Variants in LIMA1 observed in about 807,000 individuals in gnomAD.
The protein encoded by LIMA1 is LIM domain and actin-binding protein 1.
A neutral mutation model predicts 62.6 loss-of-function variants in LIMA1; 52 were observed. The observed-to-expected ratio is 0.83, with a 90% confidence interval of 0.67 to 1.05. The LOEUF (loss-of-function observed/expected upper bound fraction) is 1.05. Among genes scored for constraint, LIMA1 ranks in the 50% least tolerant of loss-of-function variants. The pLI is 0.00. For missense variants in LIMA1, 780 were observed against 902.2 expected (o/e 0.86, Z 1.74); for synonymous variants, 302 against 317.8 (o/e 0.95, Z 0.53).
chr12:50,177,987 C>T lies in LIMA1; in HGVS notation c.1357G>A (p.Asp453Asn), dbSNP rs865986348. Residue 453 changes from aspartate (D) to asparagine (N), a missense_variant, in exon 11 of 11, where the codon GAT (aspartate) becomes AAT (asparagine). By Grantham distance (23) the Asp-to-Asn change is conservative. Transcript: ENST00000341247. ...NQLFKSKGNY[D>N]EGFGHRPHKD... Reference sequence around the variant, plus strand: ...TGTGGTCTGTGCCCAAAGCCTTCATCATAGTTGCCCTTAGATTTAAAGAGT... The same window carrying T: ...TGTGGTCTGTGCCCAAAGCCTTCATTATAGTTGCCCTTAGATTTAAAGAGT... 2 of 1,600,304 alleles carry T rather than the reference C, an allele frequency of 1.2e-6. No homozygotes were observed. Among genetic ancestry groups the T allele is most frequent in the African/African-American group, 1.4e-5 (1 of 73,938 alleles).
At chr12:50,183,975 T>C (rs561995356) in intron 9 of LIMA1, among the ~76,000 whole-genome samples, 2 of 151,748 alleles carry the variant, frequency 1.3e-5, no homozygotes, top group African/African-American at 4.8e-5. Context: ...AAAATGAAAA[T>C]AAAGAAATCT....
intron 2 of LIMA1, among the ~76,000 whole-genome samples, chr12:50,240,056 C>CATAACATAAAATAAA (rs550347743): frequency 5.8e-4 from 66 of 113,286 alleles, no homozygotes; most frequent in African/African-American, 2.1e-3. Context: ...CATAACATAA[C>CATAACATAAAATAAA]ATAAAATAAA....
At chr12:50,207,814 A>AG (rs921313488) in intron 4 of LIMA1, among the ~76,000 whole-genome samples, 8 of 149,842 alleles carry the variant, frequency 5.3e-5, no homozygotes, top group African/African-American at 2.0e-4. Flanking sequence ...TGCTTGAACC[A>AG]GGGGGGCAGA....
chr12:50,262,148 C>G (rs980516430), intron 1 of LIMA1, among the ~76,000 whole-genome samples: 13 of 152,134 alleles, frequency 8.5e-5, no homozygotes, highest in African/African-American at 2.9e-4. Context: ...TTAGTTAACT[C>G]CTTCTACTGA....
intron 3 of LIMA1, 115 bp from the exon 4 acceptor site, chr12:50,222,600 T>TC (rs1262829782): frequency 6.5e-7 from 1 of 1,550,294 alleles, no homozygotes; most frequent in African/African-American, 1.4e-5. Flanking sequence ...CACTGCTGTT[T>TC]CAGACAGCTG....
chr12:50,282,628 G>T (rs936187207), intron 1 of LIMA1, among the ~76,000 whole-genome samples: 6 of 152,222 alleles, frequency 3.9e-5, no homozygotes, highest in Non-Finnish European at 8.8e-5. Flanking sequence ...GTTTCCCAAA[G>T]TGTTGGGATT....
chr12:50,267,578 G>A (rs900671124), intron 1 of LIMA1, among the ~76,000 whole-genome samples: 1 of 150,972 alleles, frequency 6.6e-6, no homozygotes, highest in Non-Finnish European at 1.5e-5. Context: ...GGAGTGCAGT[G>A]GTGCAATTTT....
chr12:50,276,897 A>G (rs938133925), intron 1 of LIMA1, among the ~76,000 whole-genome samples: 2 of 152,060 alleles, frequency 1.3e-5, no homozygotes, highest in African/African-American at 4.8e-5. Flanking sequence ...TAGATAAGTA[A>G]TAATATACTA....
chr12:50,268,379 A>G (rs953784325), intron 1 of LIMA1, among the ~76,000 whole-genome samples: 1 of 152,052 alleles, frequency 6.6e-6, no homozygotes, highest in East Asian at 1.9e-4. Context: ...TGGAATCTGA[A>G]CCTCTCATAT....
chr12:50,216,850 G>A (rs1941353695), intron 4 of LIMA1, among the ~76,000 whole-genome samples: 1 of 152,096 alleles, frequency 6.6e-6, no homozygotes, highest in Admixed American at 6.6e-5. Context: ...GCAATAGAAT[G>A]AGACTCTGTT....
intron 1 of LIMA1, among the ~76,000 whole-genome samples, chr12:50,281,388 C>G (rs1292281073): frequency 6.6e-6 from 1 of 152,118 alleles, no homozygotes; most frequent in East Asian, 1.9e-4. Flanking sequence ...GAAAAAGTAT[C>G]CCCTGTCACC....
chr12:50,183,810 CAAAAA>C (rs34778877), intron 9 of LIMA1, among the ~76,000 whole-genome samples: 2 of 56,454 alleles, frequency 3.5e-5, no homozygotes, highest in Non-Finnish European at 3.1e-5. Context: ...GACTTGGTCT[CAAAAA>C]AAAAAAAAAA....
chr12:50,187,987 A>G (rs970480561), intron 9 of LIMA1: 1 of 152,206 alleles, frequency 6.6e-6, no homozygotes, highest in African/African-American at 2.4e-5. Context: ...GGGTCCACTA[A>G]GCTCTGCTCT....
At chr12:50,279,425 A>G (rs959338419) in intron 1 of LIMA1, among the ~76,000 whole-genome samples, 1 of 151,742 alleles carries the variant, frequency 6.6e-6, no homozygotes, top group Non-Finnish European at 1.5e-5. Context: ...TTATATATAC[A>G]ATATGAAAGA....
chr12:50,256,023 G>A (rs1335458287), intron 1 of LIMA1, among the ~76,000 whole-genome samples: 1 of 151,934 alleles, frequency 6.6e-6, no homozygotes, highest in Admixed American at 6.6e-5. Flanking sequence ...CTGGGTAGCT[G>A]TGATTACAGG....
chr12:50,182,361 G>C (rs966261598), intron 9 of LIMA1, among the ~76,000 whole-genome samples: 58 of 152,136 alleles, frequency 3.8e-4, no homozygotes, highest in East Asian at 5.8e-4. Context: ...AAGGGGTCGG[G>C]GGGGGGAGTG....
chr12:50,263,901 A>G (rs1942107831), intron 1 of LIMA1, among the ~76,000 whole-genome samples: 1 of 81,366 alleles, frequency 1.2e-5, no homozygotes, highest in African/African-American at 5.4e-5. Flanking sequence ...TATATAAAGT[A>G]TGTATATATA....
At chr12:50,272,123 C>T (rs1009452845) in intron 1 of LIMA1, among the ~76,000 whole-genome samples, 1 of 152,106 alleles carries the variant, frequency 6.6e-6, no homozygotes, top group African/African-American at 2.4e-5. Context: ...CCAGGAAGGG[C>T]CTGGCTTCCA....
intron 1 of LIMA1, among the ~76,000 whole-genome samples, chr12:50,277,999 G>A (rs921366678): frequency 6.6e-6 from 1 of 152,168 alleles, no homozygotes; most frequent in Non-Finnish European, 1.5e-5. Flanking sequence ...TATTCGGGCC[G>A]GGCGCGGTGG....
Sources: gnomAD v4.1 joint callset for allele counts (sites outside exome capture counted in the v4.1 genomes callset) on GRCh38, gnomAD v4.1.1 for gene constraint, MANE v1.5 for transcripts, NCBI Gene and HGNC (gene_info 2026-07-23, HGNC 2026-07-21) for gene names.